The following SLC4A1AP variants were observed in gnomAD, a reference collection of about 807,000 sequenced individuals.
The protein encoded by SLC4A1AP is kanadaptin.
A neutral mutation model predicts 89.7 loss-of-function variants in SLC4A1AP; 64 were observed. The observed-to-expected ratio is 0.71, with a 90% CI of 0.58 to 0.88. SLC4A1AP has a LOEUF of 0.88. Among genes scored for constraint, SLC4A1AP ranks in the 40% least tolerant of loss-of-function variants. SLC4A1AP has a pLI of 0.00. For missense variants in SLC4A1AP, 931 were observed against 965.0 expected (o/e 0.96, Z 0.47); for synonymous variants, 366 against 353.3 (o/e 1.04, Z -0.40).
chr2:27,672,380 C>T (rs1241920118), intron 5 of SLC4A1AP, among the ~76,000 whole-genome samples: 1 of 151,884 alleles, frequency 6.6e-6, no homozygotes, highest in African/African-American at 2.4e-5. Flanking sequence ...TCTATTTTGC[C>T]ATCAAGGTTT....
chr2:27,664,990 A>C (rs2148129046), intron 1 of SLC4A1AP, 110 bp from the exon 2 acceptor site: 1 of 770,856 alleles, frequency 1.3e-6, no homozygotes, highest in Non-Finnish European at 2.1e-6. Context: ...CCAGGAGGTC[A>C]AGGCTGCAGT....
rs181838314 is a variant in SLC4A1AP, at chr2:27,677,799, C to T, written c.1638C>T (p.Gly546=). Residue 546 remains glycine (G), a synonymous_variant, in exon 8 of 14, where the codon GGC becomes GGT. Coordinates refer to ENST00000613058, the Ensembl canonical transcript of SLC4A1AP. ...CGTTCATGTCAGAAATGAAATCAGGCAGTACATTAGATGGTGTGTCCCGGA... is the reference window on the plus strand; with the variant it reads ...CGTTCATGTCAGAAATGAAATCAGGTAGTACATTAGATGGTGTGTCCCGGA... The T allele has an allele frequency of 9.3e-6, 15 of 1,613,418 alleles. No homozygotes were observed. The East Asian group carries it at 3.3e-4, about 36-fold the overall frequency.
rs775310065 is a variant in SLC4A1AP, at chr2:27,682,374, A to G, written c.1875+15A>G. ...GAACAGTAGGGGTAAGTTGTGAGTC[A>G]GGGTGTTAAACTTTTAGCCCTTGAG... On this transcript the variant is annotated intron_variant, in intron 9 of 13. Coordinates refer to ENST00000613058, the Ensembl canonical transcript of SLC4A1AP. 6.5e-7 allele frequency: 1 copy of G among 1,535,602 alleles called. No homozygotes were observed. Among genetic ancestry groups the G allele is most frequent in the African/African-American group, 1.4e-5 (1 of 73,164 alleles).
chr2:27,691,451 AATG>A (rs1230609821), intron 12 of SLC4A1AP: 2 of 152,060 alleles, frequency 1.3e-5, no homozygotes, highest in East Asian at 1.9e-4. Flanking sequence ...TAATCTAGCT[AATG>A]ATCTATGAAT....
At chr2:27,672,525 C>T (rs1457324737) in intron 5 of SLC4A1AP, among the ~76,000 whole-genome samples, 2 of 152,044 alleles carry the variant, frequency 1.3e-5, no homozygotes, top group African/African-American at 4.8e-5. Context: ...AACATAATAT[C>T]CTCTTGTTTC....
exon 8 of SLC4A1AP, chr2:27,677,761 G>A: frequency 6.2e-7 from 1 of 1,606,942 alleles, no homozygotes; most frequent in South Asian, 1.1e-5. Context: ...TCCATCTCAG[G>A]ATTCTTTAGA....
At chr2:27,673,302 TTCTCTCTCTC>T (rs10659481) in intron 5 of SLC4A1AP, among the ~76,000 whole-genome samples, 6 of 148,700 alleles carry the variant, frequency 4.0e-5, no homozygotes, top group Non-Finnish European at 8.9e-5. Context: ...ATGAATTTCT[TTCTCTCTCTC>T]TCTCTCTCTC....
chr2:27,683,382 A>G (rs1242279292), intron 9 of SLC4A1AP, among the ~76,000 whole-genome samples: 2 of 152,188 alleles, frequency 1.3e-5, no homozygotes, highest in Non-Finnish European at 2.9e-5. Context: ...TGGGCAGCTT[A>G]AACAACAGAA....
chr2:27,692,729 A>C (rs1675807717), intron 12 of SLC4A1AP: 1 of 152,072 alleles, frequency 6.6e-6, no homozygotes, highest in Non-Finnish European at 1.5e-5. Flanking sequence ...ATCCTTTTAT[A>C]ATTATATAAT....
intron 2 of SLC4A1AP, among the ~76,000 whole-genome samples, chr2:27,666,530 G>C (rs1464988998): frequency 6.6e-6 from 1 of 152,114 alleles, no homozygotes; most frequent in Non-Finnish European, 1.5e-5. Flanking sequence ...GGTAGGAATT[G>C]ATGATTTTAA....
At chr2:27,687,836 T>C (rs1675726209) in intron 10 of SLC4A1AP, 98 bp from the exon 11 acceptor site, 2 of 799,044 alleles carry the variant, frequency 2.5e-6, no homozygotes, top group Admixed American at 2.3e-5. Flanking sequence ...TGGATGATTA[T>C]GTACTTAGCT....
At chr2:27,686,352 TA>T (rs1675705453) in intron 10 of SLC4A1AP, among the ~76,000 whole-genome samples, 1 of 152,214 alleles carries the variant, frequency 6.6e-6, no homozygotes, top group African/African-American at 2.4e-5. Context: ...AAGGTGGATA[TA>T]AACAGGTCAG....
At chr2:27,688,590 T>C (rs959211833) in intron 11 of SLC4A1AP, 110 bp from the exon 12 acceptor site, 2 of 727,088 alleles carry the variant, frequency 2.8e-6, no homozygotes, top group African/African-American at 1.8e-5. Flanking sequence ...AATTGCATTG[T>C]CATGAGCATC....
At chr2:27,693,062 G>T (rs1162639528) in intron 12 of SLC4A1AP, 1 of 151,922 alleles carries the variant, frequency 6.6e-6, no homozygotes, top group Admixed American at 6.6e-5. Flanking sequence ...TCAGCCTCCC[G>T]AGTAGCTGGG....
chr2:27,689,885 A>G (rs1174242797), intron 12 of SLC4A1AP, among the ~76,000 whole-genome samples: 2 of 152,198 alleles, frequency 1.3e-5, no homozygotes, highest in Non-Finnish European at 2.9e-5. Context: ...CCTTGGCCAA[A>G]AGGTAAATGC....
exon 2 of SLC4A1AP, chr2:27,665,213 T>C (rs1675293820): frequency 6.2e-7 from 1 of 1,613,690 alleles, no homozygotes; most frequent in Non-Finnish European, 8.5e-7. Context: ...AAGACTCAGA[T>C]GAAGAAGAGG....
At chr2:27,672,419 T>TA (rs1388969894) in intron 5 of SLC4A1AP, among the ~76,000 whole-genome samples, 1 of 152,146 alleles carries the variant, frequency 6.6e-6, no homozygotes. Flanking sequence ...TTAAAGTTTT[T>TA]AAAATCAGGC....
intron 5 of SLC4A1AP, among the ~76,000 whole-genome samples, chr2:27,671,633 C>T (rs1313523688): frequency 2.0e-5 from 3 of 152,194 alleles, no homozygotes; most frequent in Admixed American, 2.0e-4. Flanking sequence ...CTTAAGATTT[C>T]TTTGTCCTTT....
chr2:27,683,213 A>G (rs977419307), intron 9 of SLC4A1AP, among the ~76,000 whole-genome samples: 1 of 152,216 alleles, frequency 6.6e-6, no homozygotes, highest in Non-Finnish European at 1.5e-5. Context: ...CTTGAGCTTT[A>G]TGATTTCCCT....
Sources: allele counts gnomAD v4.1 joint callset (sites outside exome capture counted in the v4.1 genomes callset), GRCh38; gene constraint gnomAD v4.1.1; transcripts MANE v1.5; gene names NCBI Gene and HGNC (gene_info 2026-07-23, HGNC 2026-07-21).